The following IL9R variants were observed in gnomAD, a reference collection of about 807,000 sequenced individuals.
The protein encoded by IL9R is interleukin 9 receptor.
Under a neutral mutation model 56.3 loss-of-function variants are expected in IL9R, and 54 were observed. That is an observed-to-expected ratio of 0.96 (90% CI 0.77 to 1.20). IL9R has a LOEUF of 1.20. Ranked by LOEUF, IL9R falls within the 50% of genes most tolerant of loss-of-function variation. IL9R has a pLI of 0.00. For missense variants in IL9R, 545 were observed against 629.8 expected, an observed-to-expected ratio of 0.87 and a Z score of 1.44; for synonymous variants, 212 against 250.2, an observed-to-expected ratio of 0.85 and a Z score of 1.44.
Position 156,002,171 on chromosome X carries a change from G to A in IL9R, c.29-735G>A, listed in dbSNP as rs762528223. Among the ~76,000 whole-genome samples the A allele has an allele frequency of 9.4e-5, 14 of 148,450 alleles. No individual in the cohort carries two copies. The East Asian group carries it at 1.9e-3, about 20-fold the overall frequency. On this transcript the variant is annotated intron_variant, in intron 1 of 8. Transcript: ENST00000244174. The stretch of plus-strand genomic sequence containing the variant: ...AGCCTGGCCAACATGGTGAAACCCC[G>A]TCTCTACTAAAAATACAAAAAAAAA...
intron 2 of IL9R, 49 bp downstream of exon 2, chrX:156,003,068 C>A: frequency 6.2e-7 from 1 of 1,610,332 alleles, no homozygotes; most frequent in Non-Finnish European, 8.5e-7. Flanking sequence ...AGAACTAGGG[C>A]ATGTTTGGGG....
chrX:155,998,639 C>T (rs946049356), intron 1 of IL9R, among the ~76,000 whole-genome samples: 2 of 152,020 alleles, frequency 1.3e-5, no homozygotes, highest in African/African-American at 4.8e-5. Flanking sequence ...AGCGTGTCTT[C>T]AAGTAGCATC....
Position 155,997,696 on chromosome X carries a change from G to C in IL9R, c.-64G>C. 6.4e-7 allele frequency: 1 copy of C among 1,554,266 alleles called. No individual in the cohort carries two copies. The highest frequency in any genetic ancestry group is 8.9e-7 in the Non-Finnish European group (1 of 1,125,564). On this transcript the variant is annotated 5_prime_UTR_variant, in exon 1 of 9. Transcript: ENST00000244174. ...CTCCTGAATCAGGCTGAGGGTCTTT[G>C]CTGTGCACCCAGAGATAGTTGGGTG...
At chrX:156,006,276 G>A (rs1308123476) in intron 7 of IL9R, 88 bp downstream of exon 7, 7 of 692,134 alleles carry the variant, frequency 1.0e-5, no homozygotes, top group African/African-American at 1.8e-5. Flanking sequence ...GTGACTGTGT[G>A]CATGTGTGAG....
chrX:156,000,014 T>A (rs1435659915), intron 1 of IL9R, among the ~76,000 whole-genome samples: 1 of 151,846 alleles, frequency 6.6e-6, no homozygotes, highest in East Asian at 1.9e-4. Flanking sequence ...TAAATGCTTG[T>A]AATCCCAGCT....
Position 156,006,158 on chromosome X carries a change from C to G in IL9R, c.857C>G (p.Pro286Arg), listed in dbSNP as rs145116573. The change falls in exon 7 of 9, where the codon CCG (proline) becomes CGG (arginine). Residue 286 changes from proline to arginine, a missense_variant. Pro to Arg is a moderately radical substitution (Grantham distance 103). Transcript: ENST00000244174. ...AVSIFLLLTGPTYLLFKLSPR... is the reference protein window; with the variant it reads ...AVSIFLLLTGRTYLLFKLSPR... ...TCCATCTTTCTCCTGCTGACTGGCC[C>G]GACCTACCTCCTGTTCAAGCTGTCG... 2 of 1,460,694 alleles carry G rather than the reference C, an allele frequency of 1.4e-6. No homozygotes were observed. The highest frequency in any genetic ancestry group is 1.4e-5 in the African/African-American group (1 of 71,470). 90.5% of individuals were successfully genotyped at this position (1,460,694 alleles called of 1,614,324 possible).
At position 156,003,514 on chromosome X, in the gene IL9R, G is replaced by A. The variant is rs764877822; in HGVS notation, c.208G>A (p.Ala70Thr). Residue 70 changes from alanine (A) to threonine (T), a missense_variant, in exon 3 of 9, where the codon GCC becomes ACC. Around this residue, in one of 2 missense-constraint regions of IL9R, gnomAD observed 431 missense variants for 360.0 expected, o/e 1.20. Coordinates refer to ENST00000244174, the MANE Select transcript of IL9R (RefSeq NM_002186.3). ...TCTCAGGATCGATTGCCACTGGTCT[G>A]CCCCAGAGCTGGGACAGGGCTCCAG... ...NILRIDCHWS[A>T]PELGQGSSPW... 2 of 1,612,748 alleles carry A rather than the reference G, an allele frequency of 1.2e-6. No individual in the cohort carries two copies. Among genetic ancestry groups the A allele is most frequent in the South Asian group, 1.1e-5 (1 of 91,008 alleles).
intron 7 of IL9R, among the ~76,000 whole-genome samples, chrX:156,006,433 G>GT (rs1477502265): frequency 6.7e-6 from 1 of 148,570 alleles, no homozygotes; most frequent in Non-Finnish European, 1.5e-5. Flanking sequence ...AGCAGGGAAG[G>GT]GGGGTCTGAG....
intron 8 of IL9R, among the ~76,000 whole-genome samples, chrX:156,009,264 GTT>G (rs1569479094): frequency 0.052 from 2,200 of 42,176 alleles, 7 homozygotes; most frequent in East Asian, 0.19. Context: ...GTGTGTGTGT[GTT>G]TGTGTGTGTA....
At chrX:156,001,518 C>T in intron 1 of IL9R, 5 of 1,571,740 alleles carry the variant, frequency 3.2e-6, no homozygotes, top group South Asian at 2.2e-5. Flanking sequence ...GGTGAGGCTT[C>T]CTGATCATCA....
At chrX:155,999,849 G>A (rs1257904865) in intron 1 of IL9R, among the ~76,000 whole-genome samples, 1 of 152,038 alleles carries the variant, frequency 6.6e-6, no homozygotes, top group Non-Finnish European at 1.5e-5. Context: ...AATATGGCCA[G>A]GCATGTTGGC....
intron 4 of IL9R, 70 bp downstream of exon 4, chrX:156,003,925 G>T (rs1293242667): frequency 5.4e-6 from 8 of 1,487,686 alleles, no homozygotes; most frequent in Non-Finnish European, 6.5e-6. Flanking sequence ...GGGGTTTGGA[G>T]CAGGGCCTTG....
chrX:156,004,709 G>A, intron 5 of IL9R, 144 bp downstream of exon 5: 4 of 791,082 alleles, frequency 5.1e-6, no homozygotes, highest in African/African-American at 1.7e-5. Context: ...ACACACACAT[G>A]CTGGCATGCA....
Position 156,010,221 on chromosome X carries a change from A to C in IL9R, c.1378A>C (p.Asn460His). Residue 460 changes from asparagine to histidine, a missense_variant, in exon 9 of 9, where the codon AAC (asparagine) becomes CAC (histidine). Asn to His is a moderately conservative substitution (Grantham distance 68). This residue lies in a region of IL9R where 114 missense variants were observed against 269.8 expected (regional missense o/e 0.42). Coordinates refer to ENST00000244174, the MANE Select transcript of IL9R (RefSeq NM_002186.3). ...ATGGCACCTCTCAGCCCTCCCAGGA[A>C]ACACACAGAGCTCTGGGCCCATCCC... ...GGWHLSALPG[N>H]TQSSGPIPAL... The C allele has an allele frequency of 7.3e-7, 1 of 1,367,454 alleles. No individual in the cohort carries two copies. Among genetic ancestry groups the C allele is most frequent in the Non-Finnish European group, 9.6e-7 (1 of 1,043,054 alleles). The allele number at this position is 1,367,454 out of a possible 1,614,324, so 84.7% of individuals were successfully genotyped here.
chrX:156,005,583 C>A, intron 6 of IL9R, 104 bp downstream of exon 6: 1 of 965,878 alleles, frequency 1.0e-6, no homozygotes, highest in Non-Finnish European at 1.6e-6. Flanking sequence ...GTAAGCCCCT[C>A]CCCGAGGCAG....
intron 8 of IL9R, chrX:156,007,914 A>G (rs1444109873): frequency 1.3e-5 from 4 of 304,952 alleles, no homozygotes; most frequent in South Asian, 2.9e-5. Flanking sequence ...TGCACCCACC[A>G]TGTGCCTCAC....
At chrX:156,004,680 T>A in intron 5 of IL9R, 115 bp downstream of exon 5, 1 of 1,046,474 alleles carries the variant, frequency 9.6e-7, no homozygotes, top group South Asian at 1.4e-5. Flanking sequence ...AGGGAGGAAC[T>A]AGAGCGGGGT....
chrX:155,997,705 C>T lies in IL9R; in HGVS notation c.-55C>T. The T allele has an allele frequency of 6.3e-7, 1 of 1,591,746 alleles. No individual in the cohort carries two copies. The highest frequency in any genetic ancestry group is 8.6e-7 in the Non-Finnish European group (1 of 1,159,640). ...CAGGCTGAGGGTCTTTGCTGTGCAC[C>T]CAGAGATAGTTGGGTGACAAATCAC... On this transcript the variant is annotated 5_prime_UTR_variant, in exon 1 of 9. Transcript: ENST00000244174.
intron 8 of IL9R, among the ~76,000 whole-genome samples, chrX:156,009,350 C>G (rs1224753085): frequency 9.3e-6 from 1 of 107,612 alleles, no homozygotes; most frequent in Non-Finnish European, 1.8e-5. Flanking sequence ...GTGTGTGTGT[C>G]TCGTGTGTGT....
Sources: allele counts gnomAD v4.1 joint callset (sites outside exome capture counted in the v4.1 genomes callset), GRCh38; gene constraint gnomAD v4.1.1; regional missense constraint gnomAD v4.1.1; transcripts MANE v1.5; gene names NCBI Gene and HGNC (gene_info 2026-07-23, HGNC 2026-07-21).